The following MSI2 variants were observed in gnomAD, a reference collection of about 807,000 sequenced individuals.
MSI2 encodes RNA-binding protein Musashi homolog 2.
A neutral mutation model predicts 45.6 loss-of-function variants in MSI2; 17 were observed. The ratio of observed to expected loss-of-function variants is 0.37; its 90% confidence interval spans 0.26 to 0.56. The LOEUF is 0.56. Ranked by LOEUF, MSI2 falls within the 20% of genes least tolerant of loss-of-function variation. The probability of loss-of-function intolerance (pLI) is 0.77; values close to 1 mark genes in which losing one functional copy is unlikely to be tolerated. For synonymous variants in MSI2, 156 were observed against 158.2 expected (o/e 0.99, Z 0.11); for missense variants, 293 against 444.2 (o/e 0.66, Z 3.06).
intron 8 of MSI2, among the ~76,000 whole-genome samples, chr17:57,605,394 T>C (rs967238044): frequency 6.6e-6 from 1 of 152,236 alleles, no homozygotes; most frequent in African/African-American, 2.4e-5. Flanking sequence ...TTGCCCTTCA[T>C]CTGTCCTCTG....
chr17:57,408,024 C>A (rs1412510323), intron 6 of MSI2, among the ~76,000 whole-genome samples: 3 of 152,152 alleles, frequency 2.0e-5, no homozygotes, highest in Non-Finnish European at 4.4e-5. Flanking sequence ...AAACCTTACC[C>A]ATGAGTAATA....
chr17:57,637,130 C>T (rs1464737201), intron 10 of MSI2, among the ~76,000 whole-genome samples: 1 of 152,200 alleles, frequency 6.6e-6, no homozygotes, highest in African/African-American at 2.4e-5. Context: ...AAATCACAAG[C>T]GAGCTCCCTC....
At chr17:57,579,112 T>C (rs1199217966) in intron 7 of MSI2, among the ~76,000 whole-genome samples, 3 of 152,240 alleles carry the variant, frequency 2.0e-5, no homozygotes, top group Admixed American at 6.5e-5. Context: ...TGTGATTATC[T>C]GTATTGTCAA....
rs568098254 is a variant in MSI2 at position 57,437,703 on chromosome 17, AC to A, written c.405+36235del. On this transcript the variant is annotated intron_variant, in intron 6 of 13. Transcript: ENST00000284073. ...AGGGATGAGAAAAGGTAAACAGAGAACCCTACAAGTTCATGTATTCTATGCC... is the reference window on the plus strand; with the variant it reads ...AGGGATGAGAAAAGGTAAACAGAGAACCTACAAGTTCATGTATTCTATGCC... Among the ~76,000 whole-genome samples the A allele has an allele frequency of 5.9e-5, 9 of 151,976 alleles. No homozygotes were observed. The South Asian group carries it at 1.7e-3, about 28-fold the overall frequency.
intron 6 of MSI2, among the ~76,000 whole-genome samples, chr17:57,472,875 A>C (rs1397700566): frequency 6.7e-6 from 1 of 150,280 alleles, no homozygotes; most frequent in African/African-American, 2.4e-5. Flanking sequence ...AGTTTTCCCA[A>C]CAAGCCACTT....
chr17:57,472,127 G>A (rs1375240648), intron 6 of MSI2, among the ~76,000 whole-genome samples: 2 of 152,144 alleles, frequency 1.3e-5, no homozygotes, highest in African/African-American at 4.8e-5. Context: ...GCCTGTGAGT[G>A]GGCCTTGCTT....
chr17:57,672,586 C>G (rs1912878338), intron 11 of MSI2, among the ~76,000 whole-genome samples: 1 of 152,220 alleles, frequency 6.6e-6, no homozygotes, highest in African/African-American at 2.4e-5. Flanking sequence ...TGGGCCTGCC[C>G]AACACCTTCC....
chr17:57,511,548 G>A (rs982844214), intron 6 of MSI2, among the ~76,000 whole-genome samples: 7 of 152,144 alleles, frequency 4.6e-5, no homozygotes, highest in African/African-American at 1.4e-4. Context: ...CTCCTGGAGC[G>A]GGGTGTTGCC....
At chr17:57,334,191 G>A (rs932913123) in intron 5 of MSI2, among the ~76,000 whole-genome samples, 82 of 152,202 alleles carry the variant, frequency 5.4e-4, no homozygotes, top group African/African-American at 1.9e-3. Context: ...TAACCAAAGT[G>A]AGAGTAGGTT....
At chr17:57,443,811 T>C (rs1426046162) in intron 6 of MSI2, among the ~76,000 whole-genome samples, 1 of 152,146 alleles carries the variant, frequency 6.6e-6, no homozygotes, top group African/African-American at 2.4e-5. Context: ...TGTCCCTACC[T>C]TAGGGGCTTT....
At position 57,680,767 on chromosome 17, in the gene MSI2, G is replaced by A. The variant is rs1913548507; in HGVS notation, c.*1250G>A. 1.6e-5 allele frequency: 3 copies of A among 182,938 alleles called. No homozygotes were observed. Among genetic ancestry groups the A allele is most frequent in the Middle Eastern group, 1.9e-3 (1 of 524 alleles). The allele number at this position is 182,938 out of a possible 1,614,324, so 11.3% of individuals were successfully genotyped here. Reference sequence around the variant, plus strand: ...CCTGTTTGGCTTGGGTGGGGGTGGGGTGGGGGGGACATTCTTTTTCAGTCT... The same window carrying A: ...CCTGTTTGGCTTGGGTGGGGGTGGGATGGGGGGGACATTCTTTTTCAGTCT... On this transcript the variant is annotated 3_prime_UTR_variant, in exon 14 of 14. Coordinates refer to ENST00000284073, the MANE Select transcript of MSI2 (RefSeq NM_138962.4).
chr17:57,397,628 C>T (rs1200536134), intron 5 of MSI2, among the ~76,000 whole-genome samples: 1 of 152,168 alleles, frequency 6.6e-6, no homozygotes, highest in African/African-American at 2.4e-5. Context: ...CTCTCGTGTC[C>T]CTCACCAGAA....
chr17:57,589,855 A>G (rs1328603512), intron 7 of MSI2, among the ~76,000 whole-genome samples: 1 of 152,208 alleles, frequency 6.6e-6, no homozygotes, highest in Non-Finnish European at 1.5e-5. Flanking sequence ...ACTTGAGCAC[A>G]ATGACAGTAG....
At position 57,552,383 on chromosome 17, in the gene MSI2, C is replaced by G. The variant is rs535951154; in HGVS notation, c.454+22659C>G. 1.6e-4 allele frequency among the ~76,000 whole-genome samples: 25 copies of G among 152,236 alleles called. No individual in the cohort carries two copies. The highest frequency in any genetic ancestry group is 9.8e-4 in the Admixed American group (15 of 15,294). On this transcript the variant is annotated intron_variant, in intron 7 of 13. Transcript: ENST00000284073. The surrounding 1 kb of genome is among the most constrained non-coding windows in gnomAD (Gnocchi z 4.3). ...GATTATGGAGACCAGCCAGCACCCC[C>G]CAACCCAGCCCCCCACTCACTGCCC... is the stretch of plus-strand genomic sequence containing the variant.
intron 5 of MSI2, among the ~76,000 whole-genome samples, chr17:57,351,392 C>G (rs940688416): frequency 2.6e-5 from 4 of 152,142 alleles, no homozygotes; most frequent in African/African-American, 4.8e-5. Flanking sequence ...TCAACACCTC[C>G]TAGCCACCAC....
intron 7 of MSI2, among the ~76,000 whole-genome samples, chr17:57,564,941 T>A (rs926385389): frequency 1.1e-4 from 16 of 152,336 alleles, no homozygotes; most frequent in African/African-American, 3.8e-4. Flanking sequence ...GTTTATCTGT[T>A]TCACCACCTT....
At chr17:57,336,175 G>A (rs1914678869) in intron 5 of MSI2, among the ~76,000 whole-genome samples, 1 of 152,198 alleles carries the variant, frequency 6.6e-6, no homozygotes, top group Non-Finnish European at 1.5e-5. Flanking sequence ...GTGAGAAGTG[G>A]TTAGATTCCA....
At position 57,677,031 on chromosome 17, in the gene MSI2, A is replaced by G. The variant is rs1451241257; in HGVS notation, c.*3A>G. ...CCTTTACAAATGGATACCATTGAGC[A>G]GGTGCTTTCGTTGCCATCTCACTCT... On this transcript the variant is annotated 3_prime_UTR_variant, in exon 13 of 14. Transcript: ENST00000284073. 1 of 1,613,952 alleles carries G rather than the reference A, an allele frequency of 6.2e-7. No homozygotes were observed. The highest frequency in any genetic ancestry group is 1.1e-5 in the South Asian group (1 of 91,080).
intron 7 of MSI2, among the ~76,000 whole-genome samples, chr17:57,534,788 C>T (rs182818666): frequency 6.5e-4 from 99 of 152,320 alleles, no homozygotes; most frequent in Middle Eastern, 3.4e-3. Context: ...GCCTTCCATA[C>T]GATGATTTGT....
Sources: gnomAD v4.1 joint callset for allele counts (sites outside exome capture counted in the v4.1 genomes callset) on GRCh38, gnomAD v4.1.1 for gene constraint, Gnocchi (gnomAD v3.1) non-coding constraint, MANE v1.5 for transcripts, NCBI Gene and HGNC (gene_info 2026-07-23, HGNC 2026-07-21) for gene names.